OGG1: variants seen among roughly 807,000 people sequenced by gnomAD.
The protein encoded by OGG1 is N-glycosylase/DNA lyase.
A neutral mutation model predicts 42.3 loss-of-function variants in OGG1; 35 were observed. The observed-to-expected ratio is 0.83, with a 90% CI of 0.63 to 1.10. OGG1 has a LOEUF of 1.10. Among genes scored for constraint, OGG1 ranks in the 50% least tolerant of loss-of-function variants. The pLI, the probability that OGG1 is intolerant of heterozygous loss-of-function variation, is 0.00. For missense variants in OGG1, 484 were observed against 446.7 expected, an observed-to-expected ratio of 1.08 and a Z score of -0.75; for synonymous variants, 189 against 179.0, an observed-to-expected ratio of 1.06 and a Z score of -0.44.
downstream of OGG1, chr3:9,767,889 C>A: frequency 7.3e-7 from 1 of 1,372,906 alleles, no homozygotes; most frequent in Admixed American, 2.8e-5. Flanking sequence ...ATCCTTGATT[C>A]ATCCATTTGA....
chr3:9,789,433 T>A (rs1196200186), downstream of OGG1: 8 of 1,368,122 alleles, frequency 5.8e-6, no homozygotes, highest in Non-Finnish European at 8.1e-6. Context: ...GATGCATGGC[T>A]TTGGTAGCTT....
At chr3:9,790,661 T>C (rs569016233), downstream of OGG1, among the ~76,000 whole-genome samples, 1 of 152,298 alleles carries the variant, frequency 6.6e-6, no homozygotes, top group Admixed American at 6.5e-5. Flanking sequence ...ATAAATAACA[T>C]CTGAAGTACT....
intron 2 of OGG1, among the ~76,000 whole-genome samples, chr3:9,777,409 G>A (rs2078379399): frequency 6.6e-6 from 1 of 152,208 alleles, no homozygotes; most frequent in Non-Finnish European, 1.5e-5. Context: ...AACTCTGCCA[G>A]GGATGGTGCT....
At chr3:9,752,529 C>CAAAAAAAAAAAAAAAAAAAAA in intron 3 of OGG1, among the ~76,000 whole-genome samples, 1 of 75,024 alleles carries the variant, frequency 1.3e-5, no homozygotes, top group Non-Finnish European at 2.6e-5. Context: ...GACTCTGTCT[C>CAAAAAAAAAAAAAAAAAAAAA]AAAAAAAAAA....
chr3:9,789,112 A>G (rs1218216951), downstream of OGG1, among the ~76,000 whole-genome samples: 1 of 152,220 alleles, frequency 6.6e-6, no homozygotes, highest in African/African-American at 2.4e-5. Flanking sequence ...CTAGGATTGC[A>G]GGCATAAGCC....
chr3:9,788,601 A>C (rs551363839), downstream of OGG1, among the ~76,000 whole-genome samples: 2 of 150,766 alleles, frequency 1.3e-5, no homozygotes, highest in East Asian at 3.9e-4. Context: ...ATACAGTGGC[A>C]CGATCTTGGC....
chr3:9,780,558 ACCAG>A, intron 2 of OGG1: 8 of 1,597,394 alleles, frequency 5.0e-6, no homozygotes, highest in Middle Eastern at 1.9e-4. Flanking sequence ...GCCTGTGGGG[ACCAG>A]CCAGCCAGGT....
At chr3:9,784,409 A>AT (rs1453511642) in intron 3 of OGG1, among the ~76,000 whole-genome samples, 4 of 152,200 alleles carry the variant, frequency 2.6e-5, no homozygotes, top group Non-Finnish European at 5.9e-5. Context: ...TGTATCTACT[A>AT]TTCAAAAAAT....
chr3:9,760,007 C>G (rs938139390), downstream of OGG1: 15 of 415,668 alleles, frequency 3.6e-5, no homozygotes, highest in African/African-American at 2.6e-4. Flanking sequence ...CTTTGGGAGG[C>G]CAATGCAGGT....
At chr3:9,782,346 C>T (rs1362060203) in intron 3 of OGG1, among the ~76,000 whole-genome samples, 1 of 152,220 alleles carries the variant, frequency 6.6e-6, no homozygotes, top group Non-Finnish European at 1.5e-5. Flanking sequence ...CAGAGCATTT[C>T]GCTTCACTGG....
chr3:9,763,287 G>A, intron 7 of OGG1: 2 of 1,592,548 alleles, frequency 1.3e-6, no homozygotes, highest in Admixed American at 3.4e-5. Context: ...TGGGAACTTG[G>A]GAGGCTGAGG....
chr3:9,761,831 G>A (rs1005547212), downstream of OGG1: 1 of 1,569,386 alleles, frequency 6.4e-7, no homozygotes, highest in Non-Finnish European at 8.6e-7. Context: ...GCCGCTCCAA[G>A]CACCTTCTGA....
chr3:9,783,995 ACC>A (rs754916871), intron 3 of OGG1: 2 of 1,584,606 alleles, frequency 1.3e-6, no homozygotes, highest in South Asian at 2.2e-5. Flanking sequence ...CTCCAAGGCC[ACC>A]CCCGGGACTG....
At chr3:9,754,442 A>G (rs159150) in intron 3 of OGG1, among the ~76,000 whole-genome samples, 20,492 of 152,184 alleles carry the variant, frequency 0.13, 1,703 homozygotes, top group Non-Finnish European at 0.18. Flanking sequence ...TCCTCAAGGG[A>G]AGCAAGTCCT....
At chr3:9,753,006 C>T (rs1195118739) in intron 3 of OGG1, among the ~76,000 whole-genome samples, 1 of 151,974 alleles carries the variant, frequency 6.6e-6, no homozygotes, top group Admixed American at 6.5e-5. Context: ...CAAGATCAGA[C>T]CACAGCACTC....
chr3:9,753,342 A>T (rs1222902772), intron 3 of OGG1, among the ~76,000 whole-genome samples: 1 of 96,494 alleles, frequency 1.0e-5, no homozygotes, highest in Non-Finnish European at 2.0e-5. Context: ...ACAGGGCGAG[A>T]CTCCGTCTCA....
chr3:9,784,513 C>T (rs985482707), intron 3 of OGG1, among the ~76,000 whole-genome samples: 1 of 151,804 alleles, frequency 6.6e-6, no homozygotes, highest in African/African-American at 2.4e-5. Context: ...ATATATTATT[C>T]CTAATCTTTT....
chr3:9,756,640 A>T lies in OGG1; in HGVS notation c.898+19A>T. 1 of 1,612,384 alleles carries T rather than the reference A, an allele frequency of 6.2e-7. No homozygotes were observed. The highest frequency in any genetic ancestry group is 8.5e-7 in the Non-Finnish European group (1 of 1,178,476). On this transcript the variant is annotated intron_variant, in intron 5 of 6. Transcript: ENST00000344629. The stretch of plus-strand genomic sequence containing the variant: ...GAACTGGGTGAGGAAAGTGGGCTGC[A>T]GGGGCTGGCAGTGGGCTGGGATGGT...
chr3:9,768,972 C>T (rs1228634745), downstream of OGG1, among the ~76,000 whole-genome samples: 1 of 152,046 alleles, frequency 6.6e-6, no homozygotes, highest in East Asian at 1.9e-4. Flanking sequence ...CACAGATCCA[C>T]ACACATCCCT....
Sources: gnomAD v4.1 joint callset for allele counts (sites outside exome capture counted in the v4.1 genomes callset) on GRCh38, gnomAD v4.1.1 for gene constraint, MANE v1.5 for transcripts, NCBI Gene and HGNC (gene_info 2026-07-23, HGNC 2026-07-21) for gene names.